Variants in ADGRF5 observed in about 807,000 individuals in gnomAD.
ADGRF5 encodes G-protein coupled receptor 116.
ADGRF5 carries 75 observed loss-of-function variants against 132.3 expected under a neutral mutation model. The observed-to-expected ratio is 0.57, with a 90% CI of 0.47 to 0.69. ADGRF5 has a LOEUF of 0.69. ADGRF5 is among the 30% of genes least tolerant of loss of function. ADGRF5 has a pLI of 0.00. For synonymous variants in ADGRF5, 629 were observed against 597.6 expected (o/e 1.05, Z -0.77); for missense variants, 1,516 against 1,630.6 (o/e 0.93, Z 1.21).
chr6:46,870,909 A>G (rs1405203636), intron 11 of ADGRF5: 2 of 290,080 alleles, frequency 6.9e-6, no homozygotes, highest in Non-Finnish European at 1.3e-5. Context: ...TTATTTGAAC[A>G]TAACACAACT....
chr6:46,907,084 C>CA (rs1341082504), intron 1 of ADGRF5, among the ~76,000 whole-genome samples: 1 of 152,170 alleles, frequency 6.6e-6, no homozygotes. Context: ...CAAAAAGACT[C>CA]AGAGAACACT....
intron 1 of ADGRF5, among the ~76,000 whole-genome samples, chr6:46,910,846 T>C (rs1460612056): frequency 6.6e-6 from 1 of 152,206 alleles, no homozygotes; most frequent in Non-Finnish European, 1.5e-5. Context: ...GAGCCTGTTT[T>C]CTTATCAGTA....
intron 1 of ADGRF5, among the ~76,000 whole-genome samples, chr6:46,912,996 T>C (rs1439748375): frequency 6.6e-6 from 1 of 152,208 alleles, no homozygotes; most frequent in Non-Finnish European, 1.5e-5. Context: ...TGCTGGCCTG[T>C]CCATTGCATC....
chr6:46,859,741 A>G (rs1290435342), intron 16 of ADGRF5, among the ~76,000 whole-genome samples: 1 of 152,170 alleles, frequency 6.6e-6, no homozygotes, highest in Non-Finnish European at 1.5e-5. Context: ...GCATTTAGCA[A>G]TGGTGACAGT....
chr6:46,917,035 T>C (rs1776477690), intron 1 of ADGRF5, among the ~76,000 whole-genome samples: 1 of 152,248 alleles, frequency 6.6e-6, no homozygotes, highest in East Asian at 1.9e-4. Context: ...TAACAACAAT[T>C]ACTATAATTT....
intron 1 of ADGRF5, among the ~76,000 whole-genome samples, chr6:46,941,399 A>AAGAAAAGAAAAGAAAAGAAAAGAAAAG (rs1778047799): frequency 1.8e-4 from 5 of 27,066 alleles, no homozygotes; most frequent in African/African-American, 8.6e-4. Flanking sequence ...AAGAAAAGAA[A>AAGAAAAGAAAAGAAAAGAAAAGAAAAG]AGAAAAGAAA....
At chr6:46,923,326 G>T (rs1272902957), upstream of ADGRF5, among the ~76,000 whole-genome samples, 2 of 152,264 alleles carry the variant, frequency 1.3e-5, no homozygotes, top group Non-Finnish European at 1.5e-5. Context: ...ACTGTTTGTT[G>T]TTCTCTGGAG....
At chr6:46,861,383 T>TA in intron 15 of ADGRF5, among the ~76,000 whole-genome samples, 1 of 152,300 alleles carries the variant, frequency 6.6e-6, no homozygotes, top group Admixed American at 6.5e-5. Context: ...TGTCCCGACT[T>TA]AGATGATAGA....
intron 1 of ADGRF5, among the ~76,000 whole-genome samples, chr6:46,946,260 TG>T (rs1439836983): frequency 6.6e-6 from 1 of 152,166 alleles, no homozygotes; most frequent in Admixed American, 6.5e-5. Flanking sequence ...GGAGCATTGG[TG>T]TCCTGGAAGG....
At position 46,869,072 on chromosome 6, in the gene ADGRF5, C is replaced by G; in HGVS notation, c.1432G>C (p.Asp478His). 6.2e-7 allele frequency: 1 copy of G among 1,613,762 alleles called. No individual in the cohort carries two copies. The highest frequency in any genetic ancestry group is 2.2e-5 in the East Asian group (1 of 44,876). Reference sequence around the variant, plus strand: ...TGTCCCTCAGAAACAGAAATTGGGTCCGGGGTTATTGTTAGATTGGCTGAA... The same window carrying G: ...TGTCCCTCAGAAACAGAAATTGGGTGCGGGGTTATTGTTAGATTGGCTGAA... ...ISVANLTITP[D>H]PISVSEGQNF... Residue 478 changes from aspartate to histidine, a missense_variant, in exon 12 of 21, where the codon GAC becomes CAC. By Grantham distance (81) the Asp-to-His change is moderately conservative. Coordinates refer to ENST00000283296, the MANE Select transcript of ADGRF5 (RefSeq NM_001098518.2).
At chr6:46,945,845 G>A (rs748566332) in intron 1 of ADGRF5, among the ~76,000 whole-genome samples, 1 of 152,212 alleles carries the variant, frequency 6.6e-6, no homozygotes, top group Non-Finnish European at 1.5e-5. Flanking sequence ...AGGTGAGAAG[G>A]AGAAAAGTCA....
At chr6:46,880,973 A>C (rs1772399510) in intron 8 of ADGRF5, among the ~76,000 whole-genome samples, 1 of 151,932 alleles carries the variant, frequency 6.6e-6, no homozygotes, top group Admixed American at 6.6e-5. Context: ...GGAGGTGTGC[A>C]CCTGTGGCCC....
At chr6:46,943,520 G>A (rs1047893562) in intron 1 of ADGRF5, among the ~76,000 whole-genome samples, 1 of 152,070 alleles carries the variant, frequency 6.6e-6, no homozygotes, top group African/African-American at 2.4e-5. Context: ...ATTTTTAATT[G>A]CTATCTCTTG....
intron 2 of ADGRF5, among the ~76,000 whole-genome samples, chr6:46,901,007 G>A (rs1203121644): frequency 6.6e-6 from 1 of 152,074 alleles, no homozygotes; most frequent in African/African-American, 2.4e-5. Flanking sequence ...TTTGATGCGA[G>A]GACAAAATGA....
In ADGRF5 at chr6:46,858,657, G is replaced by A; in HGVS notation, c.3246C>T (p.Cys1082=). 1 of 1,614,196 alleles carries A rather than the reference G, an allele frequency of 6.2e-7. No homozygotes were observed. The highest frequency in any genetic ancestry group is 8.5e-7 in the Non-Finnish European group (1 of 1,180,030). ...AGGTGGCAGCCACACAGGCTGTCTT[G>A]CAGAGTATGTAGCGATTGTCCTGGA... ...AAIQDNRYIL[C]KTACVAATFF... Residue 1082 remains cysteine (C), a synonymous_variant, in exon 17 of 21, where the codon TGC becomes TGT. Coordinates refer to ENST00000283296, the MANE Select transcript of ADGRF5 (RefSeq NM_001098518.2).
intron 3 of ADGRF5, among the ~76,000 whole-genome samples, chr6:46,895,275 A>G (rs1356635475): frequency 1.3e-5 from 2 of 152,114 alleles, no homozygotes; most frequent in Non-Finnish European, 2.9e-5. Flanking sequence ...AAAAATTTTA[A>G]AAAAGCAAAA....
At chr6:46,881,911 A>T (rs2150838254) in intron 7 of ADGRF5, 138 bp downstream of exon 7, 2 of 744,724 alleles carry the variant, frequency 2.7e-6, no homozygotes, top group Admixed American at 4.0e-5. Flanking sequence ...GTAAGGGGTG[A>T]GGTACTTTTT....
intron 3 of ADGRF5, among the ~76,000 whole-genome samples, chr6:46,890,159 C>T (rs567783878): frequency 6.6e-6 from 1 of 152,160 alleles, no homozygotes; most frequent in East Asian, 2.0e-4. Flanking sequence ...GTGGCACGAC[C>T]TTGGCTCACT....
Position 46,856,887 on chromosome 6 carries a change from CA to C in ADGRF5, c.3795del (p.Phe1265LeufsTer7). 1 of 1,609,252 alleles carries C rather than the reference CA, an allele frequency of 6.2e-7. No homozygotes were observed. The highest frequency in any genetic ancestry group is 8.5e-7 in the Non-Finnish European group (1 of 1,177,572). ...NVFQGLFILL[F>X]GCLWDLKVQE... ...CTTACCTTCAGATCCCAGAGGCATC[CA>C]AAGAGTAAAATGAATAATCCCTGAG... On this transcript the variant is annotated frameshift_variant, in exon 18 of 21. Transcript: ENST00000283296. LOFTEE classifies it high-confidence loss of function.
Sources: gnomAD v4.1 joint callset for allele counts (sites outside exome capture counted in the v4.1 genomes callset) on GRCh38, gnomAD v4.1.1 for gene constraint, MANE v1.5 for transcripts, NCBI Gene and HGNC (gene_info 2026-07-23, HGNC 2026-07-21) for gene names.